PRKCE: variants seen among roughly 807,000 people sequenced by gnomAD.
PRKCE encodes the protein protein kinase C epsilon.
A neutral mutation model predicts 85.4 loss-of-function variants in PRKCE; 16 were observed. The ratio of observed to expected loss-of-function variants is 0.19; its 90% confidence interval spans 0.13 to 0.28. The LOEUF (loss-of-function observed/expected upper bound fraction) is 0.28. PRKCE is among the 10% of genes least tolerant of loss of function. PRKCE has a pLI of 1.00. For missense variants in PRKCE, 573 were observed against 975.2 expected (o/e 0.59, Z 5.49); for synonymous variants, 388 against 371.5 (o/e 1.04, Z -0.51).
intron 1 of PRKCE, among the ~76,000 whole-genome samples, chr2:45,680,520 G>T (rs962129205): frequency 6.6e-6 from 1 of 152,180 alleles, no homozygotes; most frequent in Non-Finnish European, 1.5e-5. Context: ...TTTAAAGTTG[G>T]ACTGTTTACA....
chr2:45,740,510 ACACGTTCTTTAGGCCC>A (rs1682468237), intron 1 of PRKCE, among the ~76,000 whole-genome samples: 1 of 151,872 alleles, frequency 6.6e-6, no homozygotes, highest in Admixed American at 6.6e-5. Context: ...CAACCACCTG[ACACGTTCTTTAGGCCC>A]CACTTGGACG....
chr2:45,700,307 T>A (rs1031926279), intron 1 of PRKCE, among the ~76,000 whole-genome samples: 1 of 151,392 alleles, frequency 6.6e-6, no homozygotes, highest in African/African-American at 2.4e-5. Flanking sequence ...AATGGAAAAC[T>A]AAGGGTGGTG....
At chr2:45,855,965 A>T (rs1221030784) in intron 2 of PRKCE, among the ~76,000 whole-genome samples, 2 of 151,974 alleles carry the variant, frequency 1.3e-5, no homozygotes, top group African/African-American at 2.4e-5. Context: ...TGATGGTTTG[A>T]AGTCTCCGTG....
At chr2:45,897,026 C>T (rs1270573898) in intron 2 of PRKCE, among the ~76,000 whole-genome samples, 3 of 152,108 alleles carry the variant, frequency 2.0e-5, no homozygotes, top group South Asian at 2.1e-4. Flanking sequence ...TGCAGTGAGC[C>T]GTGAGTGTGC....
At chr2:45,909,022 C>T (rs1010484630) in intron 2 of PRKCE, among the ~76,000 whole-genome samples, 1 of 152,322 alleles carries the variant, frequency 6.6e-6, no homozygotes, top group Middle Eastern at 3.4e-3. Context: ...GTCAGCCAGT[C>T]ATGGAGACTT....
intron 1 of PRKCE, among the ~76,000 whole-genome samples, chr2:45,723,637 C>G (rs998667471): frequency 6.6e-6 from 1 of 152,112 alleles, no homozygotes; most frequent in Non-Finnish European, 1.5e-5. Context: ...CGGAGTTTCA[C>G]TCTTTTGCCC....
intron 2 of PRKCE, among the ~76,000 whole-genome samples, chr2:45,972,901 A>T (rs55756363): frequency 2.0e-5 from 3 of 152,210 alleles, no homozygotes; most frequent in Non-Finnish European, 2.9e-5. Flanking sequence ...GACAGAAAAA[A>T]CAATCCTAAA....
At chr2:46,002,747 T>C (rs1218315057) in intron 7 of PRKCE, among the ~76,000 whole-genome samples, 2 of 152,172 alleles carry the variant, frequency 1.3e-5, no homozygotes, top group Non-Finnish European at 2.9e-5. Context: ...AAGCAGAGTA[T>C]CAGTACCCAA....
rs1357726991 is a variant in PRKCE at position 46,040,145 on chromosome 2, CAG to C, written c.1437+29630_1437+29631del. On this transcript the variant is annotated intron_variant, in intron 10 of 14. Transcript: ENST00000306156. Reference sequence around the variant, plus strand: ...TCTGAATACACACAGTGTTTAGACACAGAACTGAACACAATGTCTGGCTCTCA... The same window carrying C: ...TCTGAATACACACAGTGTTTAGACACAACTGAACACAATGTCTGGCTCTCA... 7.2e-5 allele frequency among the ~76,000 whole-genome samples: 11 copies of C among 152,322 alleles called. No homozygotes were observed. The East Asian group carries it at 9.7e-4, about 13-fold the overall frequency.
intron 1 of PRKCE, among the ~76,000 whole-genome samples, chr2:45,733,681 C>A (rs13004673): frequency 0.41 from 61,909 of 151,924 alleles, 12,750 homozygotes; most frequent in Admixed American, 0.45. Context: ...CCTCTCTCCT[C>A]CCTCTCACCG....
At chr2:46,122,151 G>C (rs955139969) in intron 11 of PRKCE, among the ~76,000 whole-genome samples, 1 of 152,172 alleles carries the variant, frequency 6.6e-6, no homozygotes, top group Admixed American at 6.6e-5. Context: ...CCCACTGCCC[G>C]GAGAGGTAGC....
intron 10 of PRKCE, among the ~76,000 whole-genome samples, chr2:46,081,366 G>T (rs771773941): frequency 6.6e-6 from 1 of 152,200 alleles, no homozygotes; most frequent in Non-Finnish European, 1.5e-5. Context: ...TTTTAAAAGA[G>T]ATTATAACAA....
rs1675151732 is a variant in PRKCE at position 45,652,072 on chromosome 2, G to A, written c.-29G>A. ...TTCCTGCCCTCGGGGCAGACGGAGT[G>A]ACCCCGGCCCCCACTCCCCGCCCCG... On this transcript the variant is annotated 5_prime_UTR_variant, in exon 1 of 15. Coordinates refer to ENST00000306156, the MANE Select transcript of PRKCE (RefSeq NM_005400.3). This position sits in a 1 kb window ranked among gnomAD's most constrained non-coding sequence, Gnocchi z 7.7. The A allele has an allele frequency of 6.7e-7, 1 of 1,488,434 alleles. No individual in the cohort carries two copies. Among genetic ancestry groups the A allele is most frequent in the Admixed American group, 2.1e-5 (1 of 47,432 alleles). The allele number at this position is 1,488,434 out of a possible 1,614,324, so 92.2% of individuals were successfully genotyped here. A position where few individuals can be genotyped will look rare whatever the true frequency, so the allele number is the denominator to read the frequency against.
intron 10 of PRKCE, among the ~76,000 whole-genome samples, chr2:46,070,837 C>T (rs1668025948): frequency 6.6e-6 from 1 of 152,146 alleles, no homozygotes; most frequent in African/African-American, 2.4e-5. Flanking sequence ...ATCTTTGTGT[C>T]AAATGTGGAT....
At position 45,692,142 on chromosome 2, in the gene PRKCE, A is replaced by G. The variant is rs571693078; in HGVS notation, c.348+39694A>G. ...TTTAAGGGCTCTATGGACAGTGAGGAGTCTACAAAGGTAAATAAGATGCAG... is the reference window on the plus strand; with the variant it reads ...TTTAAGGGCTCTATGGACAGTGAGGGGTCTACAAAGGTAAATAAGATGCAG... On this transcript the variant is annotated intron_variant, in intron 1 of 14. Transcript: ENST00000306156. 5.9e-5 allele frequency among the ~76,000 whole-genome samples: 9 copies of G among 152,288 alleles called. No individual in the cohort carries two copies. In the East Asian group the frequency reaches 1.5e-3, roughly 26 times the overall value.
Position 46,072,415 on chromosome 2 carries a change from G to A in PRKCE, c.1438-13793G>A, listed in dbSNP as rs111855970. On this transcript the variant is annotated intron_variant, in intron 10 of 14. Coordinates refer to ENST00000306156, the MANE Select transcript of PRKCE (RefSeq NM_005400.3). ...TTAGCAGAGTGGAGATGTCAACCAC[G>A]CTTTCTTGCCATCATGAAATGGTTT... 8.8e-3 allele frequency among the ~76,000 whole-genome samples: 1,334 copies of A among 152,276 alleles called. 19 individuals are homozygous for A. The highest frequency in any genetic ancestry group is 0.031 in the African/African-American group (1,302 of 41,538).
At chr2:46,080,886 C>G (rs542822958) in intron 10 of PRKCE, among the ~76,000 whole-genome samples, 2 of 152,202 alleles carry the variant, frequency 1.3e-5, no homozygotes, top group East Asian at 3.9e-4. Context: ...GGGCACCCAG[C>G]TCCAGGTTCT....
At chr2:45,782,507 G>A (rs923295127) in intron 1 of PRKCE, among the ~76,000 whole-genome samples, 34 of 152,182 alleles carry the variant, frequency 2.2e-4, no homozygotes, top group African/African-American at 7.2e-4. Flanking sequence ...TCCCACACGC[G>A]TCATAAATGG....
intron 1 of PRKCE, among the ~76,000 whole-genome samples, chr2:45,690,147 T>G (rs1677618398): frequency 6.6e-6 from 1 of 152,224 alleles, no homozygotes; most frequent in African/African-American, 2.4e-5. Context: ...TGAAAGACTC[T>G]TCAGTGTAGT....
Sources: allele counts gnomAD v4.1 joint callset (sites outside exome capture counted in the v4.1 genomes callset), GRCh38; gene constraint gnomAD v4.1.1; non-coding constraint Gnocchi (gnomAD v3.1); transcripts MANE v1.5; gene names NCBI Gene and HGNC (gene_info 2026-07-23, HGNC 2026-07-21).